The following FKBP1A variants were observed in gnomAD, a reference collection of about 807,000 sequenced individuals.
FKBP1A encodes FKBP prolyl isomerase 1A, also known as peptidyl-prolyl cis-trans isomerase FKBP1A.
In FKBP1A, 5 loss-of-function variants were observed where a neutral mutation model predicts 14.2. The ratio of observed to expected loss-of-function variants is 0.35; its 90% CI spans 0.18 to 0.74. FKBP1A has a LOEUF of 0.74. Ranked by LOEUF, FKBP1A falls within the 30% of genes least tolerant of loss-of-function variation. The pLI is 0.56. For missense variants in FKBP1A, 53 were observed against 138.8 expected (o/e 0.38, Z 3.10); for synonymous variants, 42 against 49.1 (o/e 0.86, Z 0.60).
chr20:1,383,764 A>T (rs528095362), intron 2 of FKBP1A, among the ~76,000 whole-genome samples: 1 of 149,090 alleles, frequency 6.7e-6, no homozygotes, highest in African/African-American at 2.5e-5. Context: ...TTGAGCCCAG[A>T]GGTTTGAGGT....
chr20:1,384,693 C>G (rs2089651627), intron 2 of FKBP1A, among the ~76,000 whole-genome samples: 1 of 152,176 alleles, frequency 6.6e-6, no homozygotes, highest in Admixed American at 6.5e-5. Context: ...TATTCCATTT[C>G]TGGGTCTCTG....
Position 1,369,730 on chromosome 20 carries a change from C to G in FKBP1A, c.*379G>C, listed in dbSNP as rs559491604. ...ATAAAATATTCTTGCAAACCCCCCC[C>G]CCAACACCAATTCCTATTCTAATGT... On this transcript the variant is annotated 3_prime_UTR_variant, in exon 5 of 5. Coordinates refer to ENST00000400137, the MANE Select transcript of FKBP1A (RefSeq NM_000801.5). 1.4e-3 allele frequency: 350 copies of G among 249,028 alleles called. 4 individuals are homozygous for G. Among genetic ancestry groups the G allele is most frequent in the Non-Finnish European group, 2.2e-3 (266 of 122,358 alleles). 15.4% of individuals were successfully genotyped at this position (249,028 alleles called of 1,614,324 possible).
intron 2 of FKBP1A, among the ~76,000 whole-genome samples, chr20:1,380,928 A>G (rs2089610477): frequency 2.6e-5 from 4 of 152,234 alleles, no homozygotes; most frequent in Non-Finnish European, 5.9e-5. Context: ...CACATAACAC[A>G]GTAAAAACTT....
At chr20:1,372,043 A>G (rs767064187) in intron 4 of FKBP1A, 33 bp downstream of exon 4, 1 of 1,597,290 alleles carries the variant, frequency 6.3e-7, no homozygotes, top group South Asian at 1.1e-5. Context: ...GAGCAAAGGC[A>G]GTGAAGGGCC....
intron 3 of FKBP1A, among the ~76,000 whole-genome samples, chr20:1,374,872 C>T (rs572394036): frequency 3.9e-5 from 6 of 152,300 alleles, no homozygotes; most frequent in Admixed American, 6.5e-5. Context: ...GTTTCGCTCT[C>T]GTCATCCAGG....
At chr20:1,391,341 G>C (rs1216277018) in intron 2 of FKBP1A, among the ~76,000 whole-genome samples, 1 of 152,098 alleles carries the variant, frequency 6.6e-6, no homozygotes, top group Non-Finnish European at 1.5e-5. Context: ...TCACCAAAAG[G>C]ATGCGCTTTC....
intron 2 of FKBP1A, 82 bp downstream of exon 2, chr20:1,392,752 G>A (rs2089755174): frequency 2.8e-6 from 3 of 1,073,360 alleles, no homozygotes; most frequent in Non-Finnish European, 3.7e-6. Flanking sequence ...CCCAGGCCCC[G>A]GGCCCCCAGG....
intron 2 of FKBP1A, chr20:1,391,515 G>A: frequency 5.1e-6 from 2 of 395,004 alleles, no homozygotes; most frequent in East Asian, 3.6e-5. Context: ...TAAAGTTCTA[G>A]TCCTTAACTT....
chr20:1,377,175 A>G (rs1478071868), intron 2 of FKBP1A: 2 of 152,258 alleles, frequency 1.3e-5, no homozygotes, highest in Non-Finnish European at 2.9e-5. Context: ...AATCCTGACA[A>G]AAATCCCAAC....
Position 1,369,920 on chromosome 20 carries a change from GA to G in FKBP1A, c.*188del, listed in dbSNP as rs756496309. On this transcript the variant is annotated 3_prime_UTR_variant, in exon 5 of 5. Transcript: ENST00000400137. Reference sequence around the variant, plus strand: ...TAAACACACATACGAGGAGAAAGGGGAAGAGGAAACAGAGGTGTCGGAAGCA... The same window carrying G: ...TAAACACACATACGAGGAGAAAGGGGAGAGGAAACAGAGGTGTCGGAAGCA... The G allele has an allele frequency of 3.5e-4, 404 of 1,166,268 alleles. No homozygotes were observed. Among genetic ancestry groups the G allele is most frequent in the Non-Finnish European group, 4.7e-4 (388 of 827,508 alleles). 72.2% of individuals were successfully genotyped at this position (1,166,268 alleles called of 1,614,324 possible).
chr20:1,380,682 A>G (rs762491301), intron 2 of FKBP1A, among the ~76,000 whole-genome samples: 2 of 152,192 alleles, frequency 1.3e-5, no homozygotes, highest in Non-Finnish European at 2.9e-5. Flanking sequence ...GAATAAAAAT[A>G]TCCAGCACCC....
At chr20:1,371,793 A>G (rs887714819) in intron 4 of FKBP1A, 1 of 1,086,684 alleles carries the variant, frequency 9.2e-7, no homozygotes, top group Non-Finnish European at 1.1e-6. Context: ...ATAGTCCTCA[A>G]TTCAGTTTTA....
At position 1,386,928 on chromosome 20, in the gene FKBP1A, G is replaced by A. The variant is rs901817917; in HGVS notation, c.85+5906C>T. ...AGCAGGAAAAGAAAACAAAAAAACA[G>A]AAGAAAAAATAGAAGTAAAAATAAA... On this transcript the variant is annotated intron_variant, in intron 2 of 4. Coordinates refer to ENST00000400137, the MANE Select transcript of FKBP1A (RefSeq NM_000801.5). The surrounding 1 kb of genome is among the most constrained non-coding windows in gnomAD (Gnocchi z 4.7). Among the ~76,000 whole-genome samples the A allele has an allele frequency of 2.0e-5, 3 of 152,254 alleles. No individual in the cohort carries two copies. Among genetic ancestry groups the A allele is most frequent in the Non-Finnish European group, 4.4e-5 (3 of 68,018 alleles).
At chr20:1,373,326 T>A (rs1404383420) in intron 3 of FKBP1A, 1 of 152,206 alleles carries the variant, frequency 6.6e-6, no homozygotes, top group Admixed American at 6.5e-5. Flanking sequence ...TCATGAGAAA[T>A]CATATAGTGG....
intron 2 of FKBP1A, among the ~76,000 whole-genome samples, chr20:1,385,258 C>T (rs758015967): frequency 5.3e-5 from 8 of 152,004 alleles, no homozygotes; most frequent in African/African-American, 9.7e-5. Context: ...GGCATGGTGG[C>T]GTGCGCCTGT....
intron 2 of FKBP1A, chr20:1,377,827 G>GT: frequency 6.6e-6 from 1 of 152,232 alleles, no homozygotes; most frequent in Non-Finnish European, 1.5e-5. Flanking sequence ...GAACCACGGA[G>GT]TGGCAGGGCC....
intron 2 of FKBP1A, among the ~76,000 whole-genome samples, chr20:1,390,270 C>T (rs943895461): frequency 1.1e-4 from 16 of 148,980 alleles, no homozygotes; most frequent in Admixed American, 4.8e-4. Context: ...AACTCTCCTT[C>T]TCAGAGAAGT....
At chr20:1,388,328 T>C (rs1052753346) in intron 2 of FKBP1A, among the ~76,000 whole-genome samples, 3 of 152,182 alleles carry the variant, frequency 2.0e-5, no homozygotes, top group Non-Finnish European at 4.4e-5. Flanking sequence ...ATCAGAGTTA[T>C]TAAGAAAAAA....
chr20:1,385,014 G>GCCC (rs2089654605), intron 2 of FKBP1A, among the ~76,000 whole-genome samples: 3 of 152,220 alleles, frequency 2.0e-5, no homozygotes, highest in African/African-American at 7.2e-5. Context: ...CCCTGTGGGT[G>GCCC]TGTCTCTCCA....
Sources: allele counts gnomAD v4.1 joint callset (sites outside exome capture counted in the v4.1 genomes callset), GRCh38; gene constraint gnomAD v4.1.1; non-coding constraint Gnocchi (gnomAD v3.1); transcripts MANE v1.5; gene names NCBI Gene and HGNC (gene_info 2026-07-23, HGNC 2026-07-21).